Variants in TBL1X observed in about 807,000 individuals in gnomAD.
The protein encoded by TBL1X is transducin beta like 1 X-linked.
A neutral mutation model predicts 50.7 loss-of-function variants in TBL1X; 10 were observed. That is an observed-to-expected ratio of 0.20 (90% CI 0.12 to 0.33). The LOEUF (loss-of-function observed/expected upper bound fraction) is 0.33, where lower values mean the gene tolerates loss of function less well. Among genes scored for constraint, TBL1X ranks in the 10% least tolerant of loss-of-function variants. The pLI, the probability that TBL1X is intolerant of heterozygous loss-of-function variation, is 1.00. For missense variants in TBL1X, 340 were observed against 504.4 expected (o/e 0.67, Z 3.12); for synonymous variants, 190 against 214.7 (o/e 0.88, Z 1.01).
intron 17 of TBL1X, among the ~76,000 whole-genome samples, chrX:9,715,468 C>T (rs1311757326): frequency 8.9e-6 from 1 of 111,897 alleles, no homozygotes; most frequent in Admixed American, 9.5e-5. Flanking sequence ...CAAACCTGGA[C>T]AGCGGGTGAC....
intron 2 of TBL1X, among the ~76,000 whole-genome samples, chrX:9,576,680 T>C (rs1434227184): frequency 9.7e-6 from 1 of 102,955 alleles, no homozygotes; most frequent in African/African-American, 3.7e-5. Context: ...TTTAGATCTT[T>C]TAAAAGCACT....
In TBL1X at chrX:9,693,308, G is replaced by A; in HGVS notation, c.956-14G>A. 2 of 1,211,170 alleles carry A rather than the reference G, an allele frequency of 1.7e-6. No individual in the cohort carries two copies. Among genetic ancestry groups the A allele is most frequent in the Non-Finnish European group, 2.2e-6 (2 of 895,017 alleles). ...CCATGACATTGAGGTCAACATGTTT[G>A]TTTTTACTAACAGGTAACCTGGCCA... is the stretch of plus-strand genomic sequence containing the variant. On this transcript the variant is annotated splice_polypyrimidine_tract_variant and intron_variant, in intron 10 of 17. Coordinates refer to ENST00000645353, the MANE Select transcript of TBL1X (RefSeq NM_005647.4).
At chrX:9,518,321 G>A (rs757177391) in intron 2 of TBL1X, among the ~76,000 whole-genome samples, 2 of 110,384 alleles carry the variant, frequency 1.8e-5, no homozygotes, top group Non-Finnish European at 3.8e-5. Context: ...CAGAACTAGC[G>A]TGTAGTTCTG....
chrX:9,703,640 G>A (rs2083189038), intron 12 of TBL1X, among the ~76,000 whole-genome samples: 1 of 111,874 alleles, frequency 8.9e-6, no homozygotes. Flanking sequence ...AAGCAGAAGA[G>A]GATGAGAGTG....
chrX:9,501,740 C>T (rs1324744690), intron 1 of TBL1X, 40 bp from the exon 2 acceptor site: 1 of 111,741 alleles, frequency 8.9e-6, no homozygotes, highest in Non-Finnish European at 1.9e-5. Context: ...ATGCTGTTTT[C>T]AGGTATGTGA....
chrX:9,577,228 G>A (rs1431219607), intron 2 of TBL1X, among the ~76,000 whole-genome samples: 2 of 111,483 alleles, frequency 1.8e-5, no homozygotes, highest in East Asian at 2.8e-4. Context: ...CCCCACATTC[G>A]GCTCTTGGGC....
chrX:9,675,764 G>C (rs764741936), intron 5 of TBL1X, among the ~76,000 whole-genome samples: 1 of 109,917 alleles, frequency 9.1e-6, no homozygotes. Flanking sequence ...GGTGGCATGC[G>C]CCTGTAATCC....
chrX:9,659,768 C>T (rs1396190521), intron 5 of TBL1X, among the ~76,000 whole-genome samples: 1 of 111,949 alleles, frequency 8.9e-6, no homozygotes, highest in African/African-American at 3.3e-5. Flanking sequence ...TCACAGAACT[C>T]CTCTGCCTGT....
intron 2 of TBL1X, among the ~76,000 whole-genome samples, chrX:9,556,819 T>C (rs1055254343): frequency 1.8e-5 from 2 of 109,838 alleles, no homozygotes; most frequent in Middle Eastern, 4.2e-3. Context: ...TTTTTGTTTT[T>C]TTTTTGCTTT....
Position 9,603,967 on chromosome X carries a change from C to T in TBL1X, c.-130-36306C>T, listed in dbSNP as rs368835511. Among the ~76,000 whole-genome samples the T allele has an allele frequency of 2.1e-4, 24 of 111,738 alleles. No individual in the cohort carries two copies. The South Asian group carries it at 6.5e-3, about 30-fold the overall frequency. On this transcript the variant is annotated intron_variant, in intron 2 of 17. Transcript: ENST00000645353. ...CACCAGTCATGTTAGATTATGGCTC[C>T]ACCCTGCTGCGATTTGACCTCATTT...
intron 2 of TBL1X, among the ~76,000 whole-genome samples, chrX:9,597,093 G>A (rs898820982): frequency 3.6e-5 from 4 of 110,875 alleles, no homozygotes; most frequent in African/African-American, 1.3e-4. Flanking sequence ...AGTCATGAAA[G>A]CCCCTGATGG....
intron 2 of TBL1X, among the ~76,000 whole-genome samples, chrX:9,567,946 C>T (rs977924073): frequency 2.7e-5 from 3 of 112,068 alleles, no homozygotes; most frequent in Non-Finnish European, 5.6e-5. Context: ...ACTTCCAGGC[C>T]GTCAGTTCAA....
chrX:9,539,367 ACCG>A (rs2082204239), intron 2 of TBL1X, among the ~76,000 whole-genome samples: 1 of 111,225 alleles, frequency 9.0e-6, no homozygotes, highest in Non-Finnish European at 1.9e-5. Context: ...AATGAAGTTG[ACCG>A]TATGTACTCT....
chrX:9,522,872 C>T (rs1331274947), intron 2 of TBL1X, among the ~76,000 whole-genome samples: 2 of 111,771 alleles, frequency 1.8e-5, no homozygotes, highest in African/African-American at 6.5e-5. Context: ...TGACATTTCC[C>T]CATGGGAAAG....
At chrX:9,556,547 T>TG (rs2082301027) in intron 2 of TBL1X, among the ~76,000 whole-genome samples, 1 of 106,464 alleles carries the variant, frequency 9.4e-6, no homozygotes, top group South Asian at 4.2e-4. Context: ...CCCAGCTACT[T>TG]GGAGGCTGAG....
At chrX:9,690,459 TCTC>T (rs1439789624) in intron 7 of TBL1X, among the ~76,000 whole-genome samples, 1 of 110,858 alleles carries the variant, frequency 9.0e-6, no homozygotes, top group African/African-American at 3.3e-5. Context: ...TGTGTCCTGA[TCTC>T]CTCTTCTCAT....
intron 1 of TBL1X, among the ~76,000 whole-genome samples, chrX:9,471,049 G>A (rs1240753945): frequency 1.8e-5 from 2 of 112,483 alleles, no homozygotes; most frequent in Non-Finnish European, 3.8e-5. Flanking sequence ...TTAAAAACAG[G>A]ATACATGTTC....
intron 2 of TBL1X, among the ~76,000 whole-genome samples, chrX:9,531,394 T>TGTTG (rs2082160626): frequency 9.4e-6 from 1 of 106,617 alleles, no homozygotes; most frequent in Non-Finnish European, 1.9e-5. Flanking sequence ...TGTGTGTGTG[T>TGTTG]GTGTGTGTTG....
intron 1 of TBL1X, among the ~76,000 whole-genome samples, chrX:9,481,672 C>A (rs191139066): frequency 1.2e-4 from 14 of 112,089 alleles, no homozygotes; most frequent in Non-Finnish European, 2.3e-4. Flanking sequence ...TACACAGTCC[C>A]TGGACAGGTT....
Sources: allele counts gnomAD v4.1 joint callset (sites outside exome capture counted in the v4.1 genomes callset), GRCh38; gene constraint gnomAD v4.1.1; transcripts MANE v1.5; gene names NCBI Gene and HGNC (gene_info 2026-07-23, HGNC 2026-07-21).